The following SRRM4 variants were observed in gnomAD, a reference collection of about 807,000 sequenced individuals.
The protein encoded by SRRM4 is serine/arginine repetitive matrix protein 4.
SRRM4 carries 33 observed loss-of-function variants against 68.9 expected under a neutral mutation model. That is an observed-to-expected ratio of 0.48 (90% CI 0.36 to 0.64). SRRM4 has a LOEUF of 0.64. SRRM4 is among the 30% of genes least tolerant of loss of function. The probability of loss-of-function intolerance (pLI) is 0.00; values close to 1 mark genes in which losing one functional copy is unlikely to be tolerated. For missense variants in SRRM4, 817 were observed against 827.1 expected, an observed-to-expected ratio of 0.99 and a Z score of 0.15; for synonymous variants, 318 against 318.8, an observed-to-expected ratio of 1.00 and a Z score of 0.03.
Position 119,096,222 on chromosome 12 carries a change from C to G in SRRM4, c.132-6014C>G, listed in dbSNP as rs1029868065. Among the ~76,000 whole-genome samples, 23 of 145,192 alleles carry G rather than the reference C, an allele frequency of 1.6e-4. 1 individual carries two copies. The Admixed American group carries it at 1.6e-3, about 10-fold the overall frequency. On this transcript the variant is annotated intron_variant, in intron 1 of 12. Coordinates refer to ENST00000267260, the MANE Select transcript of SRRM4 (RefSeq NM_194286.4). Reference sequence around the variant, plus strand: ...TTTTTTTTTGTATTTTTAGCAGTGACGGGGTTTCACTGTGTTAGCCAGGAT... The same window carrying G: ...TTTTTTTTTGTATTTTTAGCAGTGAGGGGGTTTCACTGTGTTAGCCAGGAT...
At chr12:119,061,999 T>C (rs1953815142) in intron 1 of SRRM4, among the ~76,000 whole-genome samples, 1 of 152,206 alleles carries the variant, frequency 6.6e-6, no homozygotes, top group Admixed American at 6.5e-5. Flanking sequence ...TGCATTGTTA[T>C]GCAAACATCA....
At position 119,130,726 on chromosome 12, in the gene SRRM4, C is replaced by A. The variant is rs1464446077; in HGVS notation, c.663C>A (p.His221Gln). ...AAGGGCAGAAGTCCCGCCGAAGGCACTCCCGCCGCTGCTCCAAGACCCTCT... is the reference window on the plus strand; with the variant it reads ...AAGGGCAGAAGTCCCGCCGAAGGCAATCCCGCCGCTGCTCCAAGACCCTCT... ...PEEGQKSRRRHSRRCSKTLCK... is the reference protein window; with the variant it reads ...PEEGQKSRRRQSRRCSKTLCK... The change falls in exon 8 of 13, where the codon CAC becomes CAA. Residue 221 changes from histidine to glutamine, a missense_variant. Physicochemically the swap from His to Gln is conservative, Grantham distance 24. Coordinates refer to ENST00000267260, the MANE Select transcript of SRRM4 (RefSeq NM_194286.4). The A allele has an allele frequency of 1.2e-6, 2 of 1,610,386 alleles. No individual in the cohort carries two copies. Among genetic ancestry groups the A allele is most frequent in the African/African-American group, 1.3e-5 (1 of 74,918 alleles).
At chr12:119,074,928 T>C (rs548155005) in intron 1 of SRRM4, among the ~76,000 whole-genome samples, 1 of 152,274 alleles carries the variant, frequency 6.6e-6, no homozygotes, top group African/African-American at 2.4e-5. Flanking sequence ...CCTTTCTTGG[T>C]GAGAAAAATG....
At chr12:119,069,735 G>A (rs1179864882) in intron 1 of SRRM4, 2 of 152,152 alleles carry the variant, frequency 1.3e-5, no homozygotes, top group East Asian at 3.8e-4. Context: ...TTTCATGGAG[G>A]CCACCTTATT....
intron 1 of SRRM4, among the ~76,000 whole-genome samples, chr12:119,061,450 T>A (rs1424117977): frequency 6.6e-6 from 1 of 152,192 alleles, no homozygotes; most frequent in East Asian, 1.9e-4. Context: ...CTGCAGTGAA[T>A]CCAACCATGA....
chr12:119,095,007 G>A (rs947088283), intron 1 of SRRM4, among the ~76,000 whole-genome samples: 8 of 152,012 alleles, frequency 5.3e-5, no homozygotes, highest in African/African-American at 1.4e-4. Context: ...ATATCCAAAC[G>A]ATGTCTCCCA....
At chr12:119,051,654 T>A (rs1483788578) in intron 1 of SRRM4, among the ~76,000 whole-genome samples, 1 of 152,212 alleles carries the variant, frequency 6.6e-6, no homozygotes, top group Admixed American at 6.5e-5. Flanking sequence ...TTTCCCTTCC[T>A]TGGCCTTCAC....
At chr12:119,085,710 C>G (rs539709619) in intron 1 of SRRM4, among the ~76,000 whole-genome samples, 2 of 152,288 alleles carry the variant, frequency 1.3e-5, no homozygotes, top group South Asian at 4.1e-4. Context: ...GGACATCAGG[C>G]TGGCCAGGGT....
intron 1 of SRRM4, among the ~76,000 whole-genome samples, chr12:119,039,848 A>AAGAGAG (rs59219951): frequency 1.2e-4 from 18 of 149,314 alleles, no homozygotes; most frequent in African/African-American, 4.4e-4. Context: ...GACGTGGCTG[A>AAGAGAG]AGAGAGAGAG....
chr12:119,096,070 G>C, intron 1 of SRRM4, among the ~76,000 whole-genome samples: 1 of 151,360 alleles, frequency 6.6e-6, no homozygotes, highest in Non-Finnish European at 1.5e-5. Context: ...GCGCAGGCTG[G>C]AGTGCAGTGG....
intron 1 of SRRM4, among the ~76,000 whole-genome samples, chr12:118,988,681 A>G (rs1468175235): frequency 6.6e-6 from 1 of 152,250 alleles, no homozygotes; most frequent in African/African-American, 2.4e-5. Flanking sequence ...TCAGTCATTC[A>G]ACATTTTTAT....
intron 1 of SRRM4, among the ~76,000 whole-genome samples, chr12:119,027,578 C>T (rs1953557351): frequency 6.6e-6 from 1 of 152,150 alleles, no homozygotes; most frequent in African/African-American, 2.4e-5. Context: ...AGCTACATAT[C>T]AGCCCTGCTC....
At chr12:119,070,388 C>G (rs1230391900) in intron 1 of SRRM4, among the ~76,000 whole-genome samples, 1 of 152,114 alleles carries the variant, frequency 6.6e-6, no homozygotes, top group East Asian at 1.9e-4. Context: ...TATAGATCCC[C>G]GGATTTTAGA....
chr12:119,036,869 C>T (rs1953630998), intron 1 of SRRM4: 1 of 152,352 alleles, frequency 6.6e-6, no homozygotes, highest in Non-Finnish European at 1.5e-5. Context: ...CCAGGGCAGT[C>T]CCACCACCCC....
At chr12:119,123,185 C>G (rs79730559) in intron 6 of SRRM4, among the ~76,000 whole-genome samples, 1 of 152,044 alleles carries the variant, frequency 6.6e-6, no homozygotes, top group African/African-American at 2.4e-5. Context: ...GGGTGCCCAG[C>G]TTTGCTGCCC....
At chr12:118,984,661 A>C (rs1327960600) in intron 1 of SRRM4, among the ~76,000 whole-genome samples, 1 of 152,250 alleles carries the variant, frequency 6.6e-6, no homozygotes, top group African/African-American at 2.4e-5. Flanking sequence ...CAATATGCAT[A>C]CATCATGCAA....
intron 1 of SRRM4, among the ~76,000 whole-genome samples, chr12:119,039,848 A>AAGAG (rs59219951): frequency 1.3e-5 from 2 of 149,216 alleles, no homozygotes; most frequent in African/African-American, 2.4e-5. Flanking sequence ...GACGTGGCTG[A>AAGAG]AGAGAGAGAG....
intron 1 of SRRM4, among the ~76,000 whole-genome samples, chr12:119,019,263 A>T (rs1565890382): frequency 6.6e-6 from 1 of 152,230 alleles, no homozygotes; most frequent in Non-Finnish European, 1.5e-5. Flanking sequence ...TTGAGCCCCA[A>T]ATCCTTTGTG....
intron 4 of SRRM4, 29 bp from the exon 5 acceptor site, chr12:119,120,216 CTTCTT>C (rs1954210583): frequency 7.1e-7 from 1 of 1,413,702 alleles, no homozygotes; most frequent in African/African-American, 1.5e-5. Context: ...TTCTTTGATT[CTTCTT>C]TTCATTTTTT....
Sources: gnomAD v4.1 joint callset for allele counts (sites outside exome capture counted in the v4.1 genomes callset) on GRCh38, gnomAD v4.1.1 for gene constraint, MANE v1.5 for transcripts, NCBI Gene and HGNC (gene_info 2026-07-23, HGNC 2026-07-21) for gene names.